PRICKLE1: variants seen among roughly 807,000 people sequenced by gnomAD.
PRICKLE1 encodes prickle planar cell polarity protein 1, also known as prickle-like protein 1.
PRICKLE1 carries 14 observed loss-of-function variants against 70.2 expected under a neutral mutation model. The ratio of observed to expected loss-of-function variants is 0.20; its 90% CI spans 0.13 to 0.31. PRICKLE1 has a LOEUF of 0.31. PRICKLE1 is among the 10% of genes least tolerant of loss of function. The pLI, the probability that PRICKLE1 is intolerant of heterozygous loss-of-function variation, is 1.00. For missense variants in PRICKLE1, 821 were observed against 1,026.2 expected (o/e 0.80, Z 2.73); for synonymous variants, 357 against 379.9 (o/e 0.94, Z 0.70).
intron 1 of PRICKLE1, among the ~76,000 whole-genome samples, chr12:42,475,264 G>T (rs1174342036): frequency 6.6e-6 from 1 of 152,160 alleles, no homozygotes; most frequent in African/African-American, 2.4e-5. Context: ...TTCATTACAG[G>T]CATGGCTTTC....
At chr12:42,555,748 A>C (rs1940403543) in intron 1 of PRICKLE1, among the ~76,000 whole-genome samples, 1 of 152,198 alleles carries the variant, frequency 6.6e-6, no homozygotes, top group Non-Finnish European at 1.5e-5. Flanking sequence ...GTAACAGTAA[A>C]AAATAGCTGT....
At chr12:42,477,788 G>T (rs1394937046) in intron 1 of PRICKLE1, among the ~76,000 whole-genome samples, 1 of 151,918 alleles carries the variant, frequency 6.6e-6, no homozygotes, top group East Asian at 1.9e-4. Flanking sequence ...GTCTCTTAAG[G>T]TTGATCACAT....
intron 5 of PRICKLE1, among the ~76,000 whole-genome samples, chr12:42,467,585 CA>C (rs1194664930): frequency 3.5e-4 from 51 of 144,490 alleles, no homozygotes; most frequent in Admixed American, 4.8e-4. Context: ...ACTAAAAATA[CA>C]AAAAAAAAAA....
intron 1 of PRICKLE1, among the ~76,000 whole-genome samples, chr12:42,534,267 G>A (rs1168718620): frequency 6.6e-5 from 10 of 152,140 alleles, no homozygotes. Context: ...CCTTAGAGAT[G>A]AGAGCCCGCC....
chr12:42,467,062 G>C (rs1323216398), intron 5 of PRICKLE1, among the ~76,000 whole-genome samples: 1 of 152,020 alleles, frequency 6.6e-6, no homozygotes, highest in Admixed American at 6.6e-5. Flanking sequence ...AACATTTTGG[G>C]ACAGAGACGG....
intron 1 of PRICKLE1, among the ~76,000 whole-genome samples, chr12:42,516,560 T>C (rs1487245824): frequency 6.6e-6 from 1 of 152,210 alleles, no homozygotes; most frequent in African/African-American, 2.4e-5. Flanking sequence ...ATATTTTAAG[T>C]GTTCTCCTTT....
intron 1 of PRICKLE1, among the ~76,000 whole-genome samples, chr12:42,482,473 T>C (rs1401086253): frequency 6.6e-6 from 1 of 152,202 alleles, no homozygotes; most frequent in African/African-American, 2.4e-5. Flanking sequence ...TATTGATTTT[T>C]TGGATTTCTA....
intron 1 of PRICKLE1, among the ~76,000 whole-genome samples, chr12:42,543,624 G>A (rs35655067): frequency 0.045 from 6,889 of 152,178 alleles, 215 homozygotes; most frequent in South Asian, 0.083. Context: ...CTGGGTTCAC[G>A]CCATTCTCCT....
intron 5 of PRICKLE1, among the ~76,000 whole-genome samples, chr12:42,468,044 C>T (rs1031482805): frequency 1.3e-5 from 2 of 152,042 alleles, no homozygotes; most frequent in Non-Finnish European, 1.5e-5. Context: ...TTATGTAAGA[C>T]GTTAGTGTCA....
At chr12:42,485,774 C>T (rs1938977516) in intron 1 of PRICKLE1, among the ~76,000 whole-genome samples, 1 of 152,216 alleles carries the variant, frequency 6.6e-6, no homozygotes, top group African/African-American at 2.4e-5. Context: ...TATAGCAGCA[C>T]TTATCACTAT....
chr12:42,499,404 A>C (rs1187524767), intron 1 of PRICKLE1, among the ~76,000 whole-genome samples: 10 of 151,938 alleles, frequency 6.6e-5, no homozygotes, highest in Non-Finnish European at 2.9e-5. Flanking sequence ...GCATCACAAG[A>C]ATGTAAGTAG....
chr12:42,575,424 G>A (rs1940787445), intron 1 of PRICKLE1, among the ~76,000 whole-genome samples: 1 of 152,214 alleles, frequency 6.6e-6, no homozygotes, highest in African/African-American at 2.4e-5. Flanking sequence ...GCCAGGCACA[G>A]TGGCTCACGC....
At chr12:42,478,860 T>C (rs765607006) in intron 1 of PRICKLE1, among the ~76,000 whole-genome samples, 18 of 152,126 alleles carry the variant, frequency 1.2e-4, no homozygotes, top group Non-Finnish European at 2.5e-4. Context: ...CTATTTCTCA[T>C]CATTAAAAAC....
chr12:42,570,342 A>G (rs1281567639), intron 1 of PRICKLE1, among the ~76,000 whole-genome samples: 3 of 152,358 alleles, frequency 2.0e-5, no homozygotes, highest in Middle Eastern at 3.4e-3. Flanking sequence ...TGGCAGCTCA[A>G]CTGATCAAGG....
In PRICKLE1 at chr12:42,533,144, GA is replaced by G. The variant is rs1186192503; in HGVS notation, c.-49+56320del. Among the ~76,000 whole-genome samples the G allele has an allele frequency of 6.0e-5, 9 of 149,520 alleles. No homozygotes were observed. The East Asian group carries it at 1.8e-3, about 29-fold the overall frequency. ...ATGCTTTAAAAATCCATGAATAAGA[GA>G]AAAAAACCTAGAAGGGTATATACCA... On this transcript the variant is annotated intron_variant, in intron 1 of 7. Transcript: ENST00000345127.
chr12:42,489,362 A>G (rs1361249892), intron 1 of PRICKLE1, among the ~76,000 whole-genome samples: 5 of 151,770 alleles, frequency 3.3e-5, no homozygotes, highest in Non-Finnish European at 5.9e-5. Context: ...AGCAGAAATT[A>G]ACATTCCAAA....
chr12:42,517,433 C>T (rs912501346), intron 1 of PRICKLE1, among the ~76,000 whole-genome samples: 1 of 151,316 alleles, frequency 6.6e-6, no homozygotes. Context: ...CTGCCTCAGC[C>T]TCCTGAGTAG....
At chr12:42,572,331 G>A (rs565953389) in intron 1 of PRICKLE1, among the ~76,000 whole-genome samples, 1 of 151,828 alleles carries the variant, frequency 6.6e-6, no homozygotes, top group African/African-American at 2.4e-5. Flanking sequence ...AGCTACTTGG[G>A]AGGCTGAGGC....
chr12:42,518,815 T>C (rs1480423704), intron 1 of PRICKLE1, among the ~76,000 whole-genome samples: 1 of 152,212 alleles, frequency 6.6e-6, no homozygotes, highest in African/African-American at 2.4e-5. Context: ...CTCAAAACAC[T>C]AGCAATAATA....
Sources: gnomAD v4.1 joint callset for allele counts (sites outside exome capture counted in the v4.1 genomes callset) on GRCh38, gnomAD v4.1.1 for gene constraint, MANE v1.5 for transcripts, NCBI Gene and HGNC (gene_info 2026-07-23, HGNC 2026-07-21) for gene names.